The following GLI3 variants were observed in gnomAD, a reference collection of about 807,000 sequenced individuals.
GLI3 encodes the protein GLI family zinc finger 3.
Under a neutral mutation model 100.8 loss-of-function variants are expected in GLI3, and 20 were observed. That is an observed-to-expected ratio of 0.20 (90% CI 0.14 to 0.29). The LOEUF is 0.29. Ranked by LOEUF, GLI3 falls within the 10% of genes least tolerant of loss-of-function variation. The pLI, the probability that GLI3 is intolerant of heterozygous loss-of-function variation, is 1.00. For missense variants in GLI3, 2,040 were observed against 2,128.5 expected (o/e 0.96, Z 0.82); for synonymous variants, 938 against 860.5 (o/e 1.09, Z -1.58).
At chr7:42,224,645 T>C (rs565605320) in intron 1 of GLI3, among the ~76,000 whole-genome samples, 10 of 152,316 alleles carry the variant, frequency 6.6e-5, no homozygotes, top group Admixed American at 1.3e-4. Flanking sequence ...AATTTACATA[T>C]CAATTGTAAG....
At chr7:41,968,709 GAAAGAAGAAAGAAAGA>G (rs869037824) in intron 13 of GLI3, among the ~76,000 whole-genome samples, 1,410 of 118,882 alleles carry the variant, frequency 0.012, 21 homozygotes, top group African/African-American at 0.02. Context: ...AAGAAAGAAA[GAAAGAAGAAAGAAAGA>G]AAGAAAGAAA....
chr7:42,147,294 A>T (rs541583319), intron 3 of GLI3, among the ~76,000 whole-genome samples: 27 of 152,332 alleles, frequency 1.8e-4, no homozygotes, highest in African/African-American at 5.3e-4. Context: ...CTAATCAGTC[A>T]TCTGGCTAAT....
At chr7:42,103,341 G>A (rs1406873938) in intron 3 of GLI3, among the ~76,000 whole-genome samples, 2 of 152,142 alleles carry the variant, frequency 1.3e-5, no homozygotes, top group African/African-American at 4.8e-5. Flanking sequence ...CACCTCCTGA[G>A]GGCAGGAGTA....
intron 2 of GLI3, among the ~76,000 whole-genome samples, chr7:42,184,729 G>A (rs1455965134): frequency 2.6e-5 from 4 of 152,058 alleles, no homozygotes; most frequent in Non-Finnish European, 4.4e-5. Flanking sequence ...TGAGCAGAGG[G>A]ACACTCATTC....
chr7:42,242,345 G>A (rs1483151324), upstream of GLI3, among the ~76,000 whole-genome samples: 3 of 152,128 alleles, frequency 2.0e-5, no homozygotes, highest in African/African-American at 7.2e-5. Context: ...TACATAACTT[G>A]CCTCACTCCT....
At chr7:42,143,807 T>C (rs1400261058) in intron 3 of GLI3, among the ~76,000 whole-genome samples, 3 of 152,202 alleles carry the variant, frequency 2.0e-5, no homozygotes, top group African/African-American at 7.2e-5. Flanking sequence ...ATATTTTCCA[T>C]GAAGAACTAC....
At chr7:42,215,665 GA>G (rs1413932340) in intron 2 of GLI3, among the ~76,000 whole-genome samples, 1 of 151,968 alleles carries the variant, frequency 6.6e-6, no homozygotes, top group Non-Finnish European at 1.5e-5. Context: ...TCTTAAATTT[GA>G]AAAATGGGAG....
chr7:42,037,119 C>A lies in GLI3; in HGVS notation c.1028+2919G>T, dbSNP rs10225873. 3.8e-3 allele frequency among the ~76,000 whole-genome samples: 571 copies of A among 151,970 alleles called. 3 individuals carry two copies. Among genetic ancestry groups the A allele is most frequent in the Non-Finnish European group, 6.7e-3 (457 of 67,982 alleles). On this transcript the variant is annotated intron_variant, in intron 7 of 14. Transcript: ENST00000395925. ...TCGTGCCACTTCACTCCAGCCTGGGCAAAAGAGTGAAACTCTGTCTCAAAA... is the reference window on the plus strand; with the variant it reads ...TCGTGCCACTTCACTCCAGCCTGGGAAAAAGAGTGAAACTCTGTCTCAAAA...
chr7:42,173,183 C>T (rs939819376), intron 2 of GLI3, among the ~76,000 whole-genome samples: 9 of 152,196 alleles, frequency 5.9e-5, no homozygotes, highest in South Asian at 2.1e-4. Flanking sequence ...GCAACCTCCA[C>T]GAGCACTAGG....
chr7:42,006,866 T>G (rs1354068408), intron 10 of GLI3, among the ~76,000 whole-genome samples: 1 of 152,162 alleles, frequency 6.6e-6, no homozygotes. Flanking sequence ...TCTATTTGGT[T>G]CTTTTTATTC....
chr7:41,998,953 GT>G lies in GLI3; in HGVS notation c.1498-20206del, dbSNP rs1788207735. Among the ~76,000 whole-genome samples the G allele has an allele frequency of 2.0e-5, 3 of 152,320 alleles. No individual in the cohort carries two copies. The South Asian group carries it at 6.2e-4, about 32-fold the overall frequency. On this transcript the variant is annotated intron_variant, in intron 10 of 14. Transcript: ENST00000395925. ...CACACAGCCTTTCACCCTCTATGGA[GT>G]GTGATGGGCACGTGCACTGAGATTT...
intron 10 of GLI3, among the ~76,000 whole-genome samples, chr7:42,008,095 G>A (rs1788508412): frequency 6.6e-6 from 1 of 152,120 alleles, no homozygotes; most frequent in Non-Finnish European, 1.5e-5. Flanking sequence ...GTTCGAGTGG[G>A]ACTAAGTAAA....
chr7:42,021,075 G>A (rs986372286), intron 10 of GLI3, among the ~76,000 whole-genome samples: 2 of 152,112 alleles, frequency 1.3e-5, no homozygotes, highest in Admixed American at 1.3e-4. Context: ...GAAAGTACAC[G>A]CATGTCATGC....
chr7:41,965,403 C>T lies in GLI3; in HGVS notation c.3670G>A (p.Gly1224Ser), dbSNP rs772438444. The stretch of plus-strand genomic sequence containing the variant: ...TGGAGCATCAAGTGCTCTGGGCCAC[C>T]GTAGGGGTTGCTGTTCTCCCCGAGG... ...QTLGENSNPY[G>S]GPEHLMLHNS... The change falls in exon 15 of 15, where the codon GGT (glycine) becomes AGT (serine). Residue 1224 changes from glycine (G) to serine (S), a missense_variant. Coordinates refer to ENST00000395925, the MANE Select transcript of GLI3 (RefSeq NM_000168.6). 5.6e-6 allele frequency: 9 copies of T among 1,610,288 alleles called. No homozygotes were observed. Among genetic ancestry groups the T allele is most frequent in the African/African-American group, 1.3e-5 (1 of 74,970 alleles).
At chr7:42,021,099 T>C (rs548147497) in intron 10 of GLI3, among the ~76,000 whole-genome samples, 2 of 152,258 alleles carry the variant, frequency 1.3e-5, no homozygotes, top group South Asian at 4.1e-4. Context: ...GTAGAATCAA[T>C]TTAAACATGC....
At chr7:42,250,849 A>T (rs1452317670) in intron 1 of GLI3, among the ~76,000 whole-genome samples, 3 of 152,114 alleles carry the variant, frequency 2.0e-5, no homozygotes, top group African/African-American at 7.2e-5. Flanking sequence ...ACGGACATTT[A>T]CCTCTGTAAT....
intron 3 of GLI3, among the ~76,000 whole-genome samples, chr7:42,113,829 C>T (rs1396873130): frequency 2.0e-5 from 3 of 152,206 alleles, no homozygotes; most frequent in African/African-American, 4.8e-5. Context: ...GGGGAAAACA[C>T]CTTTCCCTTT....
intron 2 of GLI3, among the ~76,000 whole-genome samples, chr7:42,171,693 C>T (rs1047263251): frequency 6.6e-6 from 1 of 152,174 alleles, no homozygotes; most frequent in Non-Finnish European, 1.5e-5. Flanking sequence ...CAAGTTTATA[C>T]AGTTCTTAAA....
intron 5 of GLI3, among the ~76,000 whole-genome samples, chr7:42,047,980 T>G (rs960536092): frequency 6.6e-6 from 1 of 152,152 alleles, no homozygotes; most frequent in Non-Finnish European, 1.5e-5. Context: ...TTTATCAGGC[T>G]CCCCAGGTGA....
Sources: gnomAD v4.1 joint callset for allele counts (sites outside exome capture counted in the v4.1 genomes callset) on GRCh38, gnomAD v4.1.1 for gene constraint, MANE v1.5 for transcripts, NCBI Gene and HGNC (gene_info 2026-07-23, HGNC 2026-07-21) for gene names.